Variants in KIAA1671 observed in about 807,000 individuals in gnomAD.
The protein encoded by KIAA1671 is uncharacterized protein KIAA1671.
KIAA1671 carries 52 observed loss-of-function variants against 131.2 expected under a neutral mutation model. The observed-to-expected ratio is 0.40, with a 90% CI of 0.32 to 0.50. The LOEUF is 0.50. KIAA1671 is among the 20% of genes least tolerant of loss of function. KIAA1671 has a pLI of 0.73. For missense variants in KIAA1671, 2,360 were observed against 2,364.2 expected (o/e 1.00, Z 0.04); for synonymous variants, 1,003 against 961.6 (o/e 1.04, Z -0.80).
intron 1 of KIAA1671, among the ~76,000 whole-genome samples, chr22:24,968,388 G>C (rs1031207278): frequency 6.6e-6 from 1 of 152,170 alleles, no homozygotes; most frequent in Admixed American, 6.5e-5. Context: ...GTCACCCCGG[G>C]AAGGTGGCTG....
chr22:25,075,012 G>A (rs1407756064), intron 6 of KIAA1671, among the ~76,000 whole-genome samples: 1 of 152,210 alleles, frequency 6.6e-6, no homozygotes, highest in Middle Eastern at 3.2e-3. Context: ...GGGAGTTCCT[G>A]TATACCCTTC....
At chr22:24,980,735 CTTG>C (rs1197076626) in intron 1 of KIAA1671, among the ~76,000 whole-genome samples, 2 of 152,050 alleles carry the variant, frequency 1.3e-5, no homozygotes, top group South Asian at 2.1e-4. Flanking sequence ...CTTGCCAACA[CTTG>C]TTGTTATTAT....
intron 1 of KIAA1671, among the ~76,000 whole-genome samples, chr22:24,972,871 T>C (rs532470046): frequency 1.5e-4 from 23 of 152,256 alleles, no homozygotes; most frequent in Non-Finnish European, 3.1e-4. Context: ...TTAAGAGCGA[T>C]GGTGAAAATA....
chr22:25,190,811 T>G (rs1934649698), intron 12 of KIAA1671, 27 bp downstream of exon 12: 2 of 1,471,098 alleles, frequency 1.4e-6, no homozygotes, highest in Non-Finnish European at 1.9e-6. Context: ...TTGGGGAACC[T>G]GGGAAGAGCC....
In KIAA1671 at chr22:25,143,145, G is replaced by T. The variant is rs766107716; in HGVS notation, c.4531-27675G>T. On this transcript the variant is annotated intron_variant, in intron 6 of 12. Coordinates refer to ENST00000358431, the MANE Select transcript of KIAA1671 (RefSeq NM_001145206.2). ...CTCCCCGTCCTGGGCACCGGCCAAGGTGCCAAGGAGACAGTGGTGAGTGAC... is the reference window on the plus strand; with the variant it reads ...CTCCCCGTCCTGGGCACCGGCCAAGTTGCCAAGGAGACAGTGGTGAGTGAC... 5.3e-5 allele frequency among the ~76,000 whole-genome samples: 8 copies of T among 152,234 alleles called. 1 individual carries two copies. Among genetic ancestry groups the T allele is most frequent in the Non-Finnish European group, 7.3e-5 (5 of 68,040 alleles).
intron 6 of KIAA1671, among the ~76,000 whole-genome samples, chr22:25,086,395 T>C (rs1348116946): frequency 6.6e-6 from 1 of 152,156 alleles, no homozygotes. Flanking sequence ...TGGCACACAA[T>C]AGGTGCTGAA....
chr22:25,159,753 G>A (rs1933372224), intron 6 of KIAA1671, among the ~76,000 whole-genome samples: 2 of 152,152 alleles, frequency 1.3e-5, no homozygotes. Context: ...ATTTGCTCTG[G>A]TCTGCTCGGT....
chr22:24,993,616 T>A (rs1923958022), intron 1 of KIAA1671, among the ~76,000 whole-genome samples: 1 of 152,238 alleles, frequency 6.6e-6, no homozygotes, highest in Non-Finnish European at 1.5e-5. Flanking sequence ...TTTGTCTTGG[T>A]GCATGGCTTA....
intron 3 of KIAA1671, among the ~76,000 whole-genome samples, chr22:25,031,095 C>T (rs887514633): frequency 6.6e-5 from 10 of 152,140 alleles, no homozygotes; most frequent in East Asian, 1.9e-4. Context: ...GTTGCAATCT[C>T]GGCCCACTGC....
chr22:25,145,418 C>T (rs758660369), intron 6 of KIAA1671, among the ~76,000 whole-genome samples: 29 of 152,206 alleles, frequency 1.9e-4, no homozygotes, highest in Non-Finnish European at 3.7e-4. Context: ...CAAGGCCACA[C>T]AGCATGGCCC....
In KIAA1671 at chr22:25,000,237, A is replaced by T. The variant is rs1252107349; in HGVS notation, c.-207-25396A>T. Among the ~76,000 whole-genome samples, 3 of 42,618 alleles carry T rather than the reference A, an allele frequency of 7.0e-5. 1 individual carries two copies. In the East Asian group the frequency reaches 3.1e-3, roughly 44 times the overall value. The allele number at this position is 42,618 out of a possible 152,430, so 28.0% of individuals were successfully genotyped here. A position where few individuals can be genotyped will look rare whatever the true frequency, so the allele number is the denominator to read the frequency against. On this transcript the variant is annotated intron_variant, in intron 1 of 12. Coordinates refer to ENST00000358431, the MANE Select transcript of KIAA1671 (RefSeq NM_001145206.2). ...GAGACGGAGTCTCGCTCTGTCGCCCAGGCTGGAGTGCAGTGGCGGGATCTC... is the reference window on the plus strand; with the variant it reads ...GAGACGGAGTCTCGCTCTGTCGCCCTGGCTGGAGTGCAGTGGCGGGATCTC...
chr22:25,093,748 C>CTCTTTCTCTCTCTCTCTCTG (rs1930184675), intron 6 of KIAA1671, among the ~76,000 whole-genome samples: 18 of 111,470 alleles, frequency 1.6e-4, no homozygotes, highest in Non-Finnish European at 2.3e-4. Flanking sequence ...CTCTCTCTCT[C>CTCTTTCTCTCTCTCTCTCTG]TCTCTCTCTC....
intron 6 of KIAA1671, among the ~76,000 whole-genome samples, chr22:25,122,377 GCAATGACC>G (rs1931986623): frequency 6.6e-6 from 1 of 152,056 alleles, no homozygotes; most frequent in South Asian, 2.1e-4. Flanking sequence ...CCTTTCCATG[GCAATGACC>G]CAATGACCCA....
intron 6 of KIAA1671, among the ~76,000 whole-genome samples, chr22:25,082,657 A>G (rs1338378457): frequency 1.3e-5 from 2 of 152,038 alleles, no homozygotes; most frequent in African/African-American, 4.8e-5. Context: ...ACATAGCAAG[A>G]CCCTGTCTCT....
intron 6 of KIAA1671, chr22:25,070,449 C>T (rs949591850): frequency 5.2e-5 from 23 of 439,584 alleles, no homozygotes; most frequent in South Asian, 1.4e-4. Context: ...GGCTCCAGGA[C>T]GGGGTCACGT....
chr22:25,057,368 C>T (rs989885680), intron 6 of KIAA1671: 6 of 151,852 alleles, frequency 4.0e-5, no homozygotes, highest in African/African-American at 9.7e-5. Context: ...CCGACCGGCC[C>T]GCAGGAGAGA....
chr22:25,111,376 GA>G (rs1323581751), intron 6 of KIAA1671, among the ~76,000 whole-genome samples: 1 of 152,150 alleles, frequency 6.6e-6, no homozygotes, highest in African/African-American at 2.4e-5. Flanking sequence ...ACTTGGGGGA[GA>G]AAAAAATGGG....
intron 6 of KIAA1671, among the ~76,000 whole-genome samples, chr22:25,127,317 C>G (rs937250963): frequency 2.0e-5 from 3 of 152,346 alleles, no homozygotes; most frequent in Middle Eastern, 3.4e-3. Context: ...ACAAGCTGTT[C>G]CCTCTGCCTG....
chr22:25,049,139 T>G, intron 5 of KIAA1671, 91 bp from the exon 6 acceptor site: 1 of 1,435,620 alleles, frequency 7.0e-7, no homozygotes, highest in African/African-American at 1.4e-5. Context: ...TTTGCCCTTT[T>G]TGGTACAGAA....
Sources: allele counts gnomAD v4.1 joint callset (sites outside exome capture counted in the v4.1 genomes callset), GRCh38; gene constraint gnomAD v4.1.1; transcripts MANE v1.5; gene names NCBI Gene and HGNC (gene_info 2026-07-23, HGNC 2026-07-21).